The following STAT4 variants were observed in gnomAD, a reference collection of about 807,000 sequenced individuals.
STAT4 encodes signal transducer and activator of transcription 4.
A neutral mutation model predicts 110.5 loss-of-function variants in STAT4; 42 were observed. The ratio of observed to expected loss-of-function variants is 0.38; its 90% CI spans 0.30 to 0.49. The LOEUF is 0.49. Among genes scored for constraint, STAT4 ranks in the 20% least tolerant of loss-of-function variants. The probability of loss-of-function intolerance (pLI) is 0.95; values close to 1 mark genes in which losing one functional copy is unlikely to be tolerated. For synonymous variants in STAT4, 284 were observed against 302.2 expected, an observed-to-expected ratio of 0.94 and a Z score of 0.63; for missense variants, 632 against 887.9, an observed-to-expected ratio of 0.71 and a Z score of 3.66.
chr2:191,098,632 T>A (rs553475704), intron 3 of STAT4, among the ~76,000 whole-genome samples: 2 of 152,118 alleles, frequency 1.3e-5, no homozygotes, highest in East Asian at 3.9e-4. Flanking sequence ...GGGGGAGGGA[T>A]AGCATTAGGA....
rs1699248693 is a variant in STAT4 at position 191,138,925 on chromosome 2, T to G, written c.273+7688A>C. On this transcript the variant is annotated intron_variant, in intron 3 of 23. Coordinates refer to ENST00000392320, the MANE Select transcript of STAT4 (RefSeq NM_003151.4). This position sits in a 1 kb window ranked among gnomAD's most constrained non-coding sequence, Gnocchi z 4.3. ...ACATCATGATCAAATGGGTTTATAT[T>G]AGGAATACAGGGATAGTTTAACACA... Among the ~76,000 whole-genome samples, 1 of 152,092 alleles carries G rather than the reference T, an allele frequency of 6.6e-6. No homozygotes were observed. Among genetic ancestry groups the G allele is most frequent in the Admixed American group, 6.5e-5 (1 of 15,270 alleles).
At chr2:191,094,584 A>C (rs1697905494) in intron 3 of STAT4, among the ~76,000 whole-genome samples, 2 of 152,208 alleles carry the variant, frequency 1.3e-5, no homozygotes, top group Non-Finnish European at 2.9e-5. Context: ...AGAGCTCCTG[A>C]AGGAAGCACT....
rs148619319 is a variant in STAT4, at chr2:191,077,423, T to C, written c.274-1098A>G. ...ATTAAATTTCTTTGTTACTGGACTT[T>C]TTCCAGGGCAGGATTAACAGGAAGC... is the stretch of plus-strand genomic sequence containing the variant. On this transcript the variant is annotated intron_variant, in intron 3 of 23. Coordinates refer to ENST00000392320, the MANE Select transcript of STAT4 (RefSeq NM_003151.4). The surrounding 1 kb of genome is among the most constrained non-coding windows in gnomAD (Gnocchi z 4.1). 1.8e-4 allele frequency among the ~76,000 whole-genome samples: 27 copies of C among 152,326 alleles called. No homozygotes were observed. The East Asian group carries it at 4.6e-3, about 26-fold the overall frequency.
chr2:191,123,519 A>C (rs927633659), intron 3 of STAT4, among the ~76,000 whole-genome samples: 1 of 152,038 alleles, frequency 6.6e-6, no homozygotes, highest in Admixed American at 6.6e-5. Context: ...ATGCTTCTCC[A>C]CTCATGAGGG....
chr2:191,033,720 A>G lies in STAT4; in HGVS notation c.1716-94T>C. 1 of 1,521,338 alleles carries G rather than the reference A, an allele frequency of 6.6e-7. No individual in the cohort carries two copies. Among genetic ancestry groups the G allele is most frequent in the East Asian group, 2.3e-5 (1 of 44,292 alleles). The allele number at this position is 1,521,338 out of a possible 1,614,324, so 94.2% of individuals were successfully genotyped here. On this transcript the variant is annotated intron_variant, in intron 19 of 23. Coordinates refer to ENST00000392320, the MANE Select transcript of STAT4 (RefSeq NM_003151.4). The surrounding 1 kb of genome is among the most constrained non-coding windows in gnomAD (Gnocchi z 6.9). ...CTACAGTTTGTTTTGAGTGTAATCA[A>G]AAGTCATTCTTACCTGAAATACTCA...
In STAT4 at chr2:191,048,029, C is replaced by T. The variant is rs543143571; in HGVS notation, c.1251+6461G>A. Among the ~76,000 whole-genome samples, 10 of 152,280 alleles carry T rather than the reference C, an allele frequency of 6.6e-5. No individual in the cohort carries two copies. In the East Asian group the frequency reaches 1.9e-3, roughly 29 times the overall value. On this transcript the variant is annotated intron_variant, in intron 14 of 23. Transcript: ENST00000392320. ...TTCAGTACTGATAGCTTCCTCAGCT[C>T]TTTGAGTTATGGAACCTGTGTGTTC...
chr2:191,048,877 C>G (rs75611891), intron 14 of STAT4, among the ~76,000 whole-genome samples: 3 of 133,472 alleles, frequency 2.2e-5, no homozygotes, highest in African/African-American at 8.3e-5. Context: ...ATTACAGATA[C>G]AAAATATCCA....
intron 16 of STAT4, among the ~76,000 whole-genome samples, chr2:191,038,939 C>T (rs538413385): frequency 9.8e-5 from 15 of 152,290 alleles, no homozygotes; most frequent in African/African-American, 3.6e-4. Flanking sequence ...CTGGTACGCA[C>T]ATAGTTGGCA....
Position 191,061,845 on chromosome 2 carries a change from C to A in STAT4, c.942-24G>T. 1.9e-6 allele frequency: 3 copies of A among 1,603,658 alleles called. No homozygotes were observed. Among genetic ancestry groups the A allele is most frequent in the Non-Finnish European group, 2.6e-6 (3 of 1,172,980 alleles). On this transcript the variant is annotated intron_variant, in intron 9 of 23. Coordinates refer to ENST00000392320, the MANE Select transcript of STAT4 (RefSeq NM_003151.4). This position sits in a 1 kb window ranked among gnomAD's most constrained non-coding sequence, Gnocchi z 6.2. ...AGCTAGATGAAAAGGAAATAAAGCG[C>A]ATCATTTGAAAACACTGAAAATATT...
At chr2:191,038,358 T>C (rs932508819) in intron 16 of STAT4, among the ~76,000 whole-genome samples, 2 of 152,202 alleles carry the variant, frequency 1.3e-5, no homozygotes, top group Non-Finnish European at 2.9e-5. Context: ...GTTGTTTCCT[T>C]ATTAGAACAT....
rs546088102 is a variant in STAT4, at chr2:191,051,652, G to A, written c.1251+2838C>T. Among the ~76,000 whole-genome samples, 1 of 152,266 alleles carries A rather than the reference G, an allele frequency of 6.6e-6. No individual in the cohort carries two copies. Among genetic ancestry groups the A allele is most frequent in the Non-Finnish European group, 1.5e-5 (1 of 68,002 alleles). On this transcript the variant is annotated intron_variant, in intron 14 of 23. Transcript: ENST00000392320. The surrounding 1 kb of genome is among the most constrained non-coding windows in gnomAD (Gnocchi z 5.6). ...GACAGACATGATTTCGGAGCAGGTG[G>A]GTGAGGTGCAGACACTCTGTGAGAT...
At chr2:191,130,013 T>C (rs1376495318) in intron 3 of STAT4, among the ~76,000 whole-genome samples, 1 of 152,220 alleles carries the variant, frequency 6.6e-6, no homozygotes, top group Non-Finnish European at 1.5e-5. Flanking sequence ...GTATGCTTAG[T>C]TTCTGTGCTA....
chr2:191,098,199 G>A (rs1305353300), intron 3 of STAT4, among the ~76,000 whole-genome samples: 2 of 152,240 alleles, frequency 1.3e-5, no homozygotes, highest in Non-Finnish European at 2.9e-5. Context: ...GTGGAAGACA[G>A]TGTGGCGATT....
At chr2:191,127,430 C>T (rs566687226) in intron 3 of STAT4, among the ~76,000 whole-genome samples, 2 of 152,304 alleles carry the variant, frequency 1.3e-5, no homozygotes, top group African/African-American at 2.4e-5. Flanking sequence ...TTATAACCAA[C>T]CCATGTGTTT....
chr2:191,092,417 T>C (rs1697825435), intron 3 of STAT4, among the ~76,000 whole-genome samples: 1 of 151,702 alleles, frequency 6.6e-6, no homozygotes, highest in Non-Finnish European at 1.5e-5. Flanking sequence ...AATAATGAAA[T>C]TTCATTATTC....
intron 14 of STAT4, among the ~76,000 whole-genome samples, chr2:191,041,855 A>G (rs72913147): frequency 0.057 from 8,657 of 152,218 alleles, 283 homozygotes; most frequent in Middle Eastern, 0.11. Context: ...TGGGCACAGG[A>G]GGGAGGTTTG....
chr2:191,105,565 C>A (rs960149843), intron 3 of STAT4, among the ~76,000 whole-genome samples: 2 of 152,086 alleles, frequency 1.3e-5, no homozygotes, highest in African/African-American at 2.4e-5. Context: ...GTATAAAATA[C>A]ATAAAACACA....
chr2:191,082,184 C>T lies in STAT4; in HGVS notation c.274-5859G>A, dbSNP rs970356228. The stretch of plus-strand genomic sequence containing the variant: ...AACTTTATCTACTTGTGAGCATCTT[C>T]CTTTCTTACATCCTATAAAGGATTT... On this transcript the variant is annotated intron_variant, in intron 3 of 23. Coordinates refer to ENST00000392320, the MANE Select transcript of STAT4 (RefSeq NM_003151.4). This position sits in a 1 kb window ranked among gnomAD's most constrained non-coding sequence, Gnocchi z 4.7. Among the ~76,000 whole-genome samples, 2 of 152,070 alleles carry T rather than the reference C, an allele frequency of 1.3e-5. No homozygotes were observed. The highest frequency in any genetic ancestry group is 2.4e-5 in the African/African-American group (1 of 41,378).
At chr2:191,034,150 T>A (rs370820216) in intron 18 of STAT4, 145 bp from the exon 19 acceptor site, 18 of 668,484 alleles carry the variant, frequency 2.7e-5, no homozygotes, top group East Asian at 2.3e-4. Flanking sequence ...TGGCCTGGTG[T>A]GGTGGCTCAT....
Sources: gnomAD v4.1 joint callset for allele counts (sites outside exome capture counted in the v4.1 genomes callset) on GRCh38, gnomAD v4.1.1 for gene constraint, Gnocchi (gnomAD v3.1) non-coding constraint, MANE v1.5 for transcripts, NCBI Gene and HGNC (gene_info 2026-07-23, HGNC 2026-07-21) for gene names.